Variants in KAT2A observed in about 807,000 individuals in gnomAD.
KAT2A encodes lysine acetyltransferase 2A, also known as histone acetyltransferase KAT2A.
In KAT2A, 42 loss-of-function variants were observed where a neutral mutation model predicts 95.2. That is an observed-to-expected ratio of 0.44 (90% CI 0.34 to 0.57). KAT2A has a LOEUF of 0.57. Among genes scored for constraint, KAT2A ranks in the 20% least tolerant of loss-of-function variants. The pLI, the probability that KAT2A is intolerant of heterozygous loss-of-function variation, is 0.01. For missense variants in KAT2A, 784 were observed against 1,126.3 expected (o/e 0.70, Z 4.35); for synonymous variants, 449 against 448.2 (o/e 1.00, Z -0.02).
rs2054270702 is a variant in KAT2A, at chr17:42,117,171, A to G, written c.1638-10T>C. On this transcript the variant is annotated splice_polypyrimidine_tract_variant and intron_variant, in intron 10 of 17. Transcript: ENST00000225916. This position sits in a 1 kb window ranked among gnomAD's most constrained non-coding sequence, Gnocchi z 8.9. The stretch of plus-strand genomic sequence containing the variant: ...CAGAGTCTTGTGCTTCCTAAGAGAG[A>G]GGGGGGCATGTCATAGCCCCTGACT... The G allele has an allele frequency of 1.2e-6, 2 of 1,613,674 alleles. No homozygotes were observed. Among genetic ancestry groups the G allele is most frequent in the South Asian group, 2.2e-5 (2 of 91,070 alleles).
In KAT2A at chr17:42,115,838, G is replaced by A. The variant is rs782659328; in HGVS notation, c.1765-5C>T. 4.2e-5 allele frequency: 65 copies of A among 1,565,880 alleles called. 1 individual carries two copies. In the South Asian group the frequency reaches 4.4e-4, roughly 11 times the overall value. On this transcript the variant is annotated splice_polypyrimidine_tract_variant and splice_region_variant and intron_variant, in intron 11 of 17. Coordinates refer to ENST00000225916, the MANE Select transcript of KAT2A (RefSeq NM_021078.3). ...CATCAGGTGGGTCCCATAACCCTGCGGGGGAGGGAAGCAGGACTCACCAGG... is the reference window on the plus strand; with the variant it reads ...CATCAGGTGGGTCCCATAACCCTGCAGGGGAGGGAAGCAGGACTCACCAGG...
At chr17:42,120,881 T>A in intron 1 of KAT2A, 52 bp from the exon 2 acceptor site, 1 of 1,572,826 alleles carries the variant, frequency 6.4e-7, no homozygotes, top group Non-Finnish European at 8.6e-7. Context: ...CAAGAGCCGC[T>A]CCGCAGCCAG....
rs1389919192 is a variant in KAT2A at position 42,115,648 on chromosome 17, C to T, written c.1875+75G>A. The T allele has an allele frequency of 5.4e-6, 5 of 921,914 alleles. No homozygotes were observed. The African/African-American group carries it at 8.1e-5, about 15-fold the overall frequency. 57.1% of individuals were successfully genotyped at this position (921,914 alleles called of 1,614,324 possible). A position where few individuals can be genotyped will look rare whatever the true frequency, so the allele number is the denominator to read the frequency against. On this transcript the variant is annotated intron_variant, in intron 12 of 17. Coordinates refer to ENST00000225916, the MANE Select transcript of KAT2A (RefSeq NM_021078.3). ...AGGGGACGCAAAGGGACTCCTACTCCATCCACAGAGGGGCTGGACAGAATT... is the reference window on the plus strand; with the variant it reads ...AGGGGACGCAAAGGGACTCCTACTCTATCCACAGAGGGGCTGGACAGAATT...
rs563111747 is a variant in KAT2A, at chr17:42,119,971, C to T, written c.699+59G>A. 9 of 1,420,674 alleles carry T rather than the reference C, an allele frequency of 6.3e-6. No individual in the cohort carries two copies. The South Asian group carries it at 1.0e-4, about 16-fold the overall frequency. The allele number at this position is 1,420,674 out of a possible 1,614,324, so 88.0% of individuals were successfully genotyped here. The stretch of plus-strand genomic sequence containing the variant: ...GAGGAGAATGGAGAACACAGGCTCC[C>T]CACTCCTCCAAGCTGTCCCCAATTC... On this transcript the variant is annotated intron_variant, in intron 4 of 17. Coordinates refer to ENST00000225916, the MANE Select transcript of KAT2A (RefSeq NM_021078.3). The surrounding 1 kb of genome is among the most constrained non-coding windows in gnomAD (Gnocchi z 5.3).
In KAT2A at chr17:42,113,419, G is replaced by C. The variant is rs144795631; in HGVS notation, c.*230C>G. On this transcript the variant is annotated 3_prime_UTR_variant, in exon 18 of 18. Coordinates refer to ENST00000225916, the MANE Select transcript of KAT2A (RefSeq NM_021078.3). ...TCCCTGGCCACCAGCTACTCTAGAG[G>C]GGCTGGGCCCCAACCCAGGAGACCT... 4.4e-6 allele frequency: 2 copies of C among 455,970 alleles called. No homozygotes were observed. Among genetic ancestry groups the C allele is most frequent in the Non-Finnish European group, 7.7e-6 (2 of 259,226 alleles). The allele number at this position is 455,970 out of a possible 1,614,324, so 28.2% of individuals were successfully genotyped here. A position where few individuals can be genotyped will look rare whatever the true frequency, so the allele number is the denominator to read the frequency against.
chr17:42,115,933 T>C (rs1598229632), intron 11 of KAT2A, 100 bp from the exon 12 acceptor site: 2 of 767,270 alleles, frequency 2.6e-6, no homozygotes, highest in East Asian at 4.9e-5. Context: ...GGAAAGGAGG[T>C]AGAGAGAGCG....
Position 42,117,163 on chromosome 17 carries a change from TAAGA to T in KAT2A, c.1638-6_1638-3del. The T allele has an allele frequency of 6.2e-7, 1 of 1,613,850 alleles. No individual in the cohort carries two copies. The highest frequency in any genetic ancestry group is 8.5e-7 in the Non-Finnish European group (1 of 1,179,998). On this transcript the variant is annotated splice_region_variant and splice_polypyrimidine_tract_variant and intron_variant, in intron 10 of 17. Coordinates refer to ENST00000225916, the MANE Select transcript of KAT2A (RefSeq NM_021078.3). The surrounding 1 kb of genome is among the most constrained non-coding windows in gnomAD (Gnocchi z 8.9). Reference sequence around the variant, plus strand: ...ATCAAGGCCAGAGTCTTGTGCTTCCTAAGAGAGAGGGGGGCATGTCATAGCCCCT... The same window carrying T: ...ATCAAGGCCAGAGTCTTGTGCTTCCTGAGAGGGGGGCATGTCATAGCCCCT...
Position 42,115,040 on chromosome 17 carries a change from G to C in KAT2A, c.1876-5C>G, listed in dbSNP as rs782183686. The C allele has an allele frequency of 1.2e-6, 2 of 1,613,314 alleles. No individual in the cohort carries two copies. The highest frequency in any genetic ancestry group is 1.3e-5 in the African/African-American group (1 of 74,936). On this transcript the variant is annotated splice_region_variant and splice_polypyrimidine_tract_variant and intron_variant, in intron 12 of 17. Transcript: ENST00000225916. ...CTTGATGTCCTTGGAGAAACCCTGG[G>C]GGGTGGATGGTCATGACCCAGTCCA...
rs553979667 is a variant in KAT2A at position 42,117,609 on chromosome 17, G to A, written c.1429-13C>T. The A allele has an allele frequency of 5.6e-6, 9 of 1,609,216 alleles. No individual in the cohort carries two copies. Among genetic ancestry groups the A allele is most frequent in the African/African-American group, 2.7e-5 (2 of 75,006 alleles). On this transcript the variant is annotated splice_polypyrimidine_tract_variant and intron_variant, in intron 9 of 17. Coordinates refer to ENST00000225916, the MANE Select transcript of KAT2A (RefSeq NM_021078.3). This position sits in a 1 kb window ranked among gnomAD's most constrained non-coding sequence, Gnocchi z 8.9. ...AAAGCAGGCTCGTCTGGGCACAGAA[G>A]AGGGGTGGTGAGCCGGGGTCTCAGG...
Position 42,114,073 on chromosome 17 carries a change from A to G in KAT2A, c.2247T>C (p.Ser749=). ...NLLAQIKSHP[S]AWPFMEPVKK... ...TCACAGGCTCCATGAAGGGCCAGGCACTGGGGTGAGACTGGAGAGAAGAGC... is the reference window on the plus strand; with the variant it reads ...TCACAGGCTCCATGAAGGGCCAGGCGCTGGGGTGAGACTGGAGAGAAGAGC... The change falls in exon 17 of 18, where the codon AGT becomes AGC. Residue 749 remains serine (S), a synonymous_variant. Coordinates refer to ENST00000225916, the MANE Select transcript of KAT2A (RefSeq NM_021078.3). This position sits in a 1 kb window ranked among gnomAD's most constrained non-coding sequence, Gnocchi z 6.0. 6.5e-7 allele frequency: 1 copy of G among 1,538,666 alleles called. No individual in the cohort carries two copies. The highest frequency in any genetic ancestry group is 1.4e-5 in the African/African-American group (1 of 71,366).
At chr17:42,116,507 C>A (rs1035392868) in intron 11 of KAT2A, among the ~76,000 whole-genome samples, 1 of 152,110 alleles carries the variant, frequency 6.6e-6, no homozygotes, top group African/African-American at 2.4e-5. Context: ...CACTTAAGGT[C>A]AGGAGTTAGA....
chr17:42,115,711 G>C lies in KAT2A; in HGVS notation c.1875+12C>G. 1 of 1,555,106 alleles carries C rather than the reference G, an allele frequency of 6.4e-7. No homozygotes were observed. The highest frequency in any genetic ancestry group is 8.9e-7 in the Non-Finnish European group (1 of 1,126,210). Reference sequence around the variant, plus strand: ...AGGCAAAGGACCGGTGTGGGACGAGGCTACGGGTCACCTGCTTTTTGAAGT... The same window carrying C: ...AGGCAAAGGACCGGTGTGGGACGAGCCTACGGGTCACCTGCTTTTTGAAGT... On this transcript the variant is annotated intron_variant, in intron 12 of 17. Coordinates refer to ENST00000225916, the MANE Select transcript of KAT2A (RefSeq NM_021078.3).
At chr17:42,118,465 A>G (rs2054293570) in intron 6 of KAT2A, 62 bp from the exon 7 acceptor site, 2 of 1,191,134 alleles carry the variant, frequency 1.7e-6, no homozygotes, top group Non-Finnish European at 2.5e-6. Flanking sequence ...TGGGCCAGGC[A>G]GCAGAGGGAC....
intron 12 of KAT2A, 62 bp downstream of exon 12, chr17:42,115,661 G>T: frequency 9.6e-7 from 1 of 1,045,454 alleles, no homozygotes; most frequent in Non-Finnish European, 1.5e-6. Context: ...CCACAGAGGG[G>T]CTGGACAGAA....
intron 12 of KAT2A, 78 bp downstream of exon 12, chr17:42,115,645 C>A: frequency 1.1e-6 from 1 of 898,074 alleles, no homozygotes; most frequent in Non-Finnish European, 1.9e-6. Flanking sequence ...GGGACTCCTA[C>A]TCCATCCACA....
intron 12 of KAT2A, among the ~76,000 whole-genome samples, chr17:42,115,489 C>T (rs1435643171): frequency 1.5e-5 from 2 of 136,668 alleles, no homozygotes; most frequent in Non-Finnish European, 3.1e-5. Flanking sequence ...CTAGTTCCTC[C>T]AGGATGCTCT....
rs1032287547 is a variant in KAT2A at position 42,119,042 on chromosome 17, T to C, written c.1073+203A>G. On this transcript the variant is annotated intron_variant, in intron 6 of 17. Coordinates refer to ENST00000225916, the MANE Select transcript of KAT2A (RefSeq NM_021078.3). The surrounding 1 kb of genome is among the most constrained non-coding windows in gnomAD (Gnocchi z 5.3). ...GGGTCGGGTGGGGGCAGCGTTAGCT[T>C]GGGCTATGTACCTGCCATCCCCAGA... 34 of 1,405,556 alleles carry C rather than the reference T, an allele frequency of 2.4e-5. 1 individual carries two copies. The African/African-American group carries it at 4.4e-4, about 18-fold the overall frequency. 87.1% of individuals were successfully genotyped at this position (1,405,556 alleles called of 1,614,324 possible).
chr17:42,117,322 G>T lies in KAT2A; in HGVS notation c.1637+66C>A. ...CAGGGGATCCCCAATTTTGAGGAGT[G>T]AAGAGGCCGAGGAGGAAGGGAACTG... On this transcript the variant is annotated intron_variant, in intron 10 of 17. Coordinates refer to ENST00000225916, the MANE Select transcript of KAT2A (RefSeq NM_021078.3). This position sits in a 1 kb window ranked among gnomAD's most constrained non-coding sequence, Gnocchi z 8.9. 1 of 1,576,596 alleles carries T rather than the reference G, an allele frequency of 6.3e-7. No homozygotes were observed. The highest frequency in any genetic ancestry group is 1.3e-5 in the African/African-American group (1 of 74,318).
rs782691157 is a variant in KAT2A at position 42,117,533 on chromosome 17, T to C, written c.1492A>G (p.Ile498Val). The C allele has an allele frequency of 3.1e-6, 5 of 1,613,476 alleles. No individual in the cohort carries two copies. Among genetic ancestry groups the C allele is most frequent in the Non-Finnish European group, 4.2e-6 (5 of 1,180,026 alleles). Reference protein sequence around the residue: ...ETARLEERRGIIEFHVIGNSL... With the variant: ...ETARLEERRGVIEFHVIGNSL... ...TTGCCGATGACATGGAACTCGATGA[T>C]GCCGCGGCGCTCCTCCAGGCGGGCT... Residue 498 changes from isoleucine to valine, a missense_variant, in exon 10 of 18, where the codon ATC becomes GTC. Ile to Val is a conservative substitution (Grantham distance 29). Around this residue, in one of 6 missense-constraint regions of KAT2A, gnomAD observed 174 missense variants for 324.9 expected, o/e 0.54. Transcript: ENST00000225916. This position sits in a 1 kb window ranked among gnomAD's most constrained non-coding sequence, Gnocchi z 8.9.
Sources: gnomAD v4.1 joint callset for allele counts (sites outside exome capture counted in the v4.1 genomes callset) on GRCh38, gnomAD v4.1.1 for gene constraint, gnomAD v4.1.1 regional missense constraint, Gnocchi (gnomAD v3.1) non-coding constraint, MANE v1.5 for transcripts, NCBI Gene and HGNC (gene_info 2026-07-23, HGNC 2026-07-21) for gene names.